Variants in KAZN observed in about 807,000 individuals in gnomAD.
KAZN encodes kazrin.
A neutral mutation model predicts 87.4 loss-of-function variants in KAZN; 40 were observed. The observed-to-expected ratio is 0.46, with a 90% CI of 0.36 to 0.60. KAZN has a LOEUF of 0.60. KAZN is among the 20% of genes least tolerant of loss of function. KAZN has a pLI of 0.00. For missense variants in KAZN, 898 were observed against 1,073.9 expected (o/e 0.84, Z 2.29); for synonymous variants, 466 against 458.3 (o/e 1.02, Z -0.22).
intron 1 of KAZN, among the ~76,000 whole-genome samples, chr1:13,937,459 C>T (rs1448609733): frequency 6.6e-6 from 1 of 152,212 alleles, no homozygotes; most frequent in African/African-American, 2.4e-5. Context: ...CAAATATTTT[C>T]TCCCATTGCA....
intron 1 of KAZN, among the ~76,000 whole-genome samples, chr1:14,058,581 C>A (rs1218750857): frequency 6.6e-6 from 1 of 152,136 alleles, no homozygotes; most frequent in Non-Finnish European, 1.5e-5. Flanking sequence ...GGAGGTGCAG[C>A]CCTTGATATG....
intron 2 of KAZN, among the ~76,000 whole-genome samples, chr1:14,385,414 A>G: frequency 6.6e-6 from 1 of 151,894 alleles, no homozygotes; most frequent in East Asian, 1.9e-4. Context: ...TAGGGTGTCA[A>G]TTTTGGATCT....
At chr1:14,497,253 A>G (rs1669990453) in intron 2 of KAZN, among the ~76,000 whole-genome samples, 1 of 150,558 alleles carries the variant, frequency 6.6e-6, no homozygotes, top group Non-Finnish European at 1.5e-5. Context: ...TTGAATCTCA[A>G]TTATAAGAGA....
intron 2 of KAZN, among the ~76,000 whole-genome samples, chr1:14,338,440 G>A (rs971910069): frequency 7.4e-5 from 11 of 148,934 alleles, no homozygotes; most frequent in East Asian, 2.0e-4. Context: ...AGCTCAGATC[G>A]TGCCACTGCA....
chr1:14,696,946 C>T (rs1181470419), intron 1 of KAZN, among the ~76,000 whole-genome samples: 3 of 152,044 alleles, frequency 2.0e-5, no homozygotes, highest in African/African-American at 4.8e-5. Flanking sequence ...CTTGAGTTCA[C>T]ATTCTTGGTT....
chr1:14,916,582 G>C (rs1657842399), intron 1 of KAZN, among the ~76,000 whole-genome samples: 1 of 152,152 alleles, frequency 6.6e-6, no homozygotes, highest in Admixed American at 6.5e-5. Flanking sequence ...TGTGGCCCCT[G>C]GATAAGGAAG....
chr1:14,419,785 G>A (rs562225482), intron 2 of KAZN, among the ~76,000 whole-genome samples: 2 of 151,906 alleles, frequency 1.3e-5, no homozygotes, highest in East Asian at 1.9e-4. Flanking sequence ...CCTCCCATCC[G>A]GAGTTGTTCA....
intron 1 of KAZN, among the ~76,000 whole-genome samples, chr1:14,174,961 G>A (rs1646039575): frequency 6.6e-6 from 1 of 152,166 alleles, no homozygotes; most frequent in South Asian, 2.1e-4. Flanking sequence ...ATTAGCCAAA[G>A]CAAGTCATAT....
At chr1:14,140,793 G>A (rs904203265) in intron 1 of KAZN, among the ~76,000 whole-genome samples, 9 of 152,114 alleles carry the variant, frequency 5.9e-5, no homozygotes, top group Admixed American at 3.3e-4. Context: ...GACTTCTAAG[G>A]ACAAGCAGCC....
intron 2 of KAZN, among the ~76,000 whole-genome samples, chr1:14,229,874 T>C (rs1354653359): frequency 6.6e-6 from 1 of 152,252 alleles, no homozygotes; most frequent in Non-Finnish European, 1.5e-5. Flanking sequence ...CTGTGGCTCA[T>C]TTGGTCCAGC....
chr1:14,213,622 G>A (rs979806401), intron 2 of KAZN, among the ~76,000 whole-genome samples: 7 of 152,204 alleles, frequency 4.6e-5, no homozygotes, highest in Admixed American at 1.3e-4. Flanking sequence ...GGTCAGAAAG[G>A]TCACTTATAG....
chr1:15,112,737 G>C, intron 14 of KAZN, 196 bp downstream of exon 14: 1 of 533,234 alleles, frequency 1.9e-6, no homozygotes, highest in Non-Finnish European at 3.4e-6. Context: ...AGTGCACAAA[G>C]CCCCCGCAGG....
At chr1:14,494,234 A>G (rs1308009667) in intron 2 of KAZN, among the ~76,000 whole-genome samples, 1 of 152,174 alleles carries the variant, frequency 6.6e-6, no homozygotes, top group East Asian at 1.9e-4. Context: ...AAATTAGGCA[A>G]TTATACAGGT....
intron 2 of KAZN, among the ~76,000 whole-genome samples, chr1:14,181,337 G>A (rs1376533554): frequency 3.9e-5 from 6 of 152,178 alleles, no homozygotes; most frequent in Non-Finnish European, 7.3e-5. Context: ...CATTTGCCCC[G>A]GGGATTTCTT....
At chr1:14,647,694 A>T (rs542476123) in intron 1 of KAZN, among the ~76,000 whole-genome samples, 2 of 152,304 alleles carry the variant, frequency 1.3e-5, no homozygotes, top group South Asian at 4.1e-4. Flanking sequence ...TATGTTTTCA[A>T]TGCAACTCTT....
chr1:14,972,225 GC>G (rs1407272667), intron 2 of KAZN, among the ~76,000 whole-genome samples: 1 of 152,104 alleles, frequency 6.6e-6, no homozygotes, highest in Non-Finnish European at 1.5e-5. Context: ...TGCCTACCTG[GC>G]CATGACAGGG....
chr1:15,065,583 TTTC>T (rs774959340), intron 7 of KAZN, 44 bp from the exon 8 acceptor site: 6 of 1,528,316 alleles, frequency 3.9e-6, no homozygotes, highest in Admixed American at 1.9e-5. Flanking sequence ...TAAGCTTGGC[TTTC>T]TTCTTCTCCC....
chr1:14,703,659 C>G (rs1244076698), intron 1 of KAZN, among the ~76,000 whole-genome samples: 5 of 152,290 alleles, frequency 3.3e-5, no homozygotes, highest in African/African-American at 1.2e-4. Context: ...AGGAAGATCA[C>G]TTGGGGCCAG....
chr1:14,561,223 A>G (rs1674234790), intron 2 of KAZN, among the ~76,000 whole-genome samples: 1 of 152,206 alleles, frequency 6.6e-6, no homozygotes, highest in African/African-American at 2.4e-5. Context: ...CTCATGGCTG[A>G]ATCACTGAGC....
Sources: allele counts gnomAD v4.1 joint callset (sites outside exome capture counted in the v4.1 genomes callset), GRCh38; gene constraint gnomAD v4.1.1; transcripts MANE v1.5; gene names NCBI Gene and HGNC (gene_info 2026-07-23, HGNC 2026-07-21).